CCNYL1: variants seen among roughly 807,000 people sequenced by gnomAD.
CCNYL1 encodes the protein cyclin-Y-like protein 1.
CCNYL1 carries 16 observed loss-of-function variants against 44.2 expected under a neutral mutation model. The observed-to-expected ratio is 0.36, with a 90% CI of 0.25 to 0.55. The LOEUF (loss-of-function observed/expected upper bound fraction) is 0.55, where lower values mean the gene tolerates loss of function less well. Among genes scored for constraint, CCNYL1 ranks in the 20% least tolerant of loss-of-function variants. The pLI, the probability that CCNYL1 is intolerant of heterozygous loss-of-function variation, is 0.85. For synonymous variants in CCNYL1, 159 were observed against 163.2 expected, an observed-to-expected ratio of 0.97 and a Z score of 0.20; for missense variants, 348 against 451.8, an observed-to-expected ratio of 0.77 and a Z score of 2.08.
At chr2:207,737,631 A>G (rs938866177) in intron 5 of CCNYL1, among the ~76,000 whole-genome samples, 185 bp downstream of exon 5, 3 of 152,086 alleles carry the variant, frequency 2.0e-5, no homozygotes, top group Non-Finnish European at 4.4e-5. Context: ...AGGATCCCAA[A>G]GAGTATTTGT....
intron 7 of CCNYL1, among the ~76,000 whole-genome samples, chr2:207,743,123 G>A (rs906851): frequency 0.13 from 19,637 of 152,172 alleles, 2,206 homozygotes; most frequent in East Asian, 0.38. Context: ...TAGGAGAGAA[G>A]GCTTCTGTGC....
intron 9 of CCNYL1, among the ~76,000 whole-genome samples, chr2:207,752,718 T>C (rs541590743): frequency 2.6e-5 from 4 of 152,246 alleles, no homozygotes; most frequent in South Asian, 4.1e-4. Flanking sequence ...TAGAATAATA[T>C]GTATTTCTAG....
chr2:207,734,623 A>G (rs1043848137), intron 4 of CCNYL1, among the ~76,000 whole-genome samples: 7 of 152,240 alleles, frequency 4.6e-5, no homozygotes, highest in Non-Finnish European at 1.0e-4. Context: ...TCAGGAAACT[A>G]TTAACATCTC....
intron 1 of CCNYL1, among the ~76,000 whole-genome samples, chr2:207,716,069 C>G (rs1336048917): frequency 6.6e-6 from 1 of 152,164 alleles, no homozygotes; most frequent in Non-Finnish European, 1.5e-5. Context: ...AACGGTATGT[C>G]TAACATAACT....
chr2:207,730,743 G>A (rs1380040545), intron 3 of CCNYL1, among the ~76,000 whole-genome samples: 1 of 152,124 alleles, frequency 6.6e-6, no homozygotes, highest in African/African-American at 2.4e-5. Context: ...GGGCAACAGA[G>A]CAAGACTCTG....
At position 207,751,580 on chromosome 2, in the gene CCNYL1, C is replaced by T. The variant is rs545492010; in HGVS notation, c.969+461C>T. On this transcript the variant is annotated intron_variant, in intron 9 of 9. Coordinates refer to ENST00000295414, the MANE Select transcript of CCNYL1 (RefSeq NM_001330218.2). ...ACTAAAAATACACACACAGGCCGGG[C>T]GCGGTGGCTTACGCCTGTAAGCCCA... is the stretch of plus-strand genomic sequence containing the variant. Among the ~76,000 whole-genome samples the T allele has an allele frequency of 4.5e-4, 68 of 152,120 alleles. 1 individual carries two copies. The highest frequency in any genetic ancestry group is 1.9e-3 in the East Asian group (10 of 5,172).
At position 207,724,915 on chromosome 2, in the gene CCNYL1, A is replaced by G. The variant is rs774250512; in HGVS notation, c.295+41A>G. 8.2e-6 allele frequency: 12 copies of G among 1,460,406 alleles called. No individual in the cohort carries two copies. The African/African-American group carries it at 1.4e-4, about 17-fold the overall frequency. The allele number at this position is 1,460,406 out of a possible 1,614,324, so 90.5% of individuals were successfully genotyped here. A position where few individuals can be genotyped will look rare whatever the true frequency, so the allele number is the denominator to read the frequency against. On this transcript the variant is annotated intron_variant, in intron 2 of 9. Transcript: ENST00000295414. ...TTTTTCCTTCCAAGGAAAAGACTGA[A>G]AACTGTTTCTATTTTATTGGATGTA... is the stretch of plus-strand genomic sequence containing the variant.
chr2:207,712,891 C>A (rs1047123183), intron 1 of CCNYL1, among the ~76,000 whole-genome samples: 8 of 152,202 alleles, frequency 5.3e-5, no homozygotes, highest in Admixed American at 2.6e-4. Flanking sequence ...TCTCGGCTCG[C>A]TGCAACCTCC....
chr2:207,720,825 A>C (rs1221319171), intron 1 of CCNYL1, among the ~76,000 whole-genome samples: 1 of 152,338 alleles, frequency 6.6e-6, no homozygotes, highest in East Asian at 1.9e-4. Flanking sequence ...CACGATCACT[A>C]AAACATAGAT....
Position 207,756,160 on chromosome 2 carries a change from CTA to C in CCNYL1, c.*2464_*2465del, listed in dbSNP as rs1471714850. 1.3e-5 allele frequency: 2 copies of C among 152,178 alleles called. No individual in the cohort carries two copies. Among genetic ancestry groups the C allele is most frequent in the Middle Eastern group, 3.4e-3 (1 of 294 alleles). The allele number at this position is 152,178 out of a possible 1,614,324, so 9.4% of individuals were successfully genotyped here. Reference sequence around the variant, plus strand: ...TGTTTATATTAAAAGCTAATAAACTCTATTTTAATTAAAATATGGCTAGTGTG... The same window carrying C: ...TGTTTATATTAAAAGCTAATAAACTCTTTTAATTAAAATATGGCTAGTGTG... On this transcript the variant is annotated 3_prime_UTR_variant, in exon 10 of 10. Transcript: ENST00000295414.
intron 3 of CCNYL1, among the ~76,000 whole-genome samples, chr2:207,732,744 C>G (rs1023439756): frequency 6.6e-6 from 1 of 152,106 alleles, no homozygotes; most frequent in Non-Finnish European, 1.5e-5. Flanking sequence ...GCACTCTTCC[C>G]AAATAAATGG....
At chr2:207,713,276 C>T (rs893889066) in intron 1 of CCNYL1, among the ~76,000 whole-genome samples, 1 of 152,128 alleles carries the variant, frequency 6.6e-6, no homozygotes, top group Non-Finnish European at 1.5e-5. Context: ...TCAAAAGAGA[C>T]AAAGTATAAA....
chr2:207,754,515 T>C lies in CCNYL1; in HGVS notation c.*817T>C, dbSNP rs773724519. The C allele has an allele frequency of 3.9e-5, 6 of 152,682 alleles. No homozygotes were observed. The highest frequency in any genetic ancestry group is 8.8e-5 in the Non-Finnish European group (6 of 68,048). 9.5% of individuals were successfully genotyped at this position (152,682 alleles called of 1,614,324 possible). On this transcript the variant is annotated 3_prime_UTR_variant, in exon 10 of 10. Transcript: ENST00000295414. ...GTGGTTCAGTGACGATGAGAAAAAG[T>C]GAAGCAGTTTTAAGCTTGAATATAG...
At chr2:207,726,697 T>A (rs151117250) in intron 2 of CCNYL1, 145 bp from the exon 3 acceptor site, 1 of 532,610 alleles carries the variant, frequency 1.9e-6, no homozygotes. Context: ...TCTTGCCAGA[T>A]GATTTAAATG....
intron 6 of CCNYL1, among the ~76,000 whole-genome samples, chr2:207,741,137 C>T (rs2091806388): frequency 6.6e-6 from 1 of 152,052 alleles, no homozygotes; most frequent in Non-Finnish European, 1.5e-5. Flanking sequence ...CGCCTGTAGT[C>T]CCAGCTACTT....
At chr2:207,742,848 A>T (rs2091821894) in intron 7 of CCNYL1, among the ~76,000 whole-genome samples, 1 of 152,158 alleles carries the variant, frequency 6.6e-6, no homozygotes, top group Admixed American at 6.6e-5. Context: ...CCTGCTCGTG[A>T]TGTTGCCCAG....
In CCNYL1 at chr2:207,753,711, G is replaced by C. The variant is rs1170392200; in HGVS notation, c.*13G>C. On this transcript the variant is annotated 3_prime_UTR_variant, in exon 10 of 10. Coordinates refer to ENST00000295414, the MANE Select transcript of CCNYL1 (RefSeq NM_001330218.2). ...CATCCTCTCTTAAAAGGAGAAATGA[G>C]GGGTTATAACGTCATGGGACCTTCA... 2 of 1,541,038 alleles carry C rather than the reference G, an allele frequency of 1.3e-6. No homozygotes were observed. The highest frequency in any genetic ancestry group is 2.2e-5 in the East Asian group (1 of 44,458).
chr2:207,739,933 T>G (rs1416124936), intron 5 of CCNYL1, among the ~76,000 whole-genome samples: 1 of 152,142 alleles, frequency 6.6e-6, no homozygotes, highest in East Asian at 1.9e-4. Context: ...AAGCAATACC[T>G]TAGTATTCTT....
intron 9 of CCNYL1, among the ~76,000 whole-genome samples, chr2:207,752,457 C>G (rs1311802231): frequency 6.6e-6 from 1 of 151,950 alleles, no homozygotes. Flanking sequence ...TTGCTTGAAC[C>G]CGGGAGGCGG....
Sources: gnomAD v4.1 joint callset for allele counts (sites outside exome capture counted in the v4.1 genomes callset) on GRCh38, gnomAD v4.1.1 for gene constraint, MANE v1.5 for transcripts, NCBI Gene and HGNC (gene_info 2026-07-23, HGNC 2026-07-21) for gene names.